ZSWIM5: variants seen among roughly 807,000 people sequenced by gnomAD.
ZSWIM5 encodes the protein zinc finger SWIM-type containing 5.
In ZSWIM5, 55 loss-of-function variants were observed where a neutral mutation model predicts 119.6. That is an observed-to-expected ratio of 0.46 (90% CI 0.37 to 0.58). The LOEUF (loss-of-function observed/expected upper bound fraction) is 0.58. Ranked by LOEUF, ZSWIM5 falls within the 20% of genes least tolerant of loss-of-function variation. The pLI is 0.00. For synonymous variants in ZSWIM5, 537 were observed against 606.9 expected (o/e 0.88, Z 1.69); for missense variants, 1,193 against 1,512.8 (o/e 0.79, Z 3.51).
chr1:45,115,575 G>A (rs1645550064), intron 1 of ZSWIM5, among the ~76,000 whole-genome samples: 2 of 149,608 alleles, frequency 1.3e-5, no homozygotes, highest in Non-Finnish European at 3.0e-5. Flanking sequence ...CATCTCAGAC[G>A]ATGGGCGGCC....
chr1:45,068,775 T>C (rs543562873), intron 2 of ZSWIM5, among the ~76,000 whole-genome samples: 1 of 151,244 alleles, frequency 6.6e-6, no homozygotes, highest in East Asian at 1.9e-4. Flanking sequence ...TCTCACTGTT[T>C]TGTTGCTGTT....
Position 45,035,758 on chromosome 1 carries a change from T to C in ZSWIM5, c.2221A>G (p.Lys741Glu), listed in dbSNP as rs778274267. The C allele has an allele frequency of 1.2e-5, 20 of 1,613,370 alleles. No homozygotes were observed. Among genetic ancestry groups the C allele is most frequent in the Non-Finnish European group, 1.5e-5 (18 of 1,179,926 alleles). Residue 741 changes from lysine (K) to glutamate (E), a missense_variant, in exon 10 of 14, where the codon AAG becomes GAG. This residue lies in a region of ZSWIM5 where 961 missense variants were observed against 1,290.0 expected (regional missense o/e 0.74). Coordinates refer to ENST00000359600, the MANE Select transcript of ZSWIM5 (RefSeq NM_020883.2). ...RESVPMHTFAKYLFSALLPHD... is the reference protein window; with the variant it reads ...RESVPMHTFAEYLFSALLPHD... ...GGCAGCAGAGCTGAGAACAAATACT[T>C]GGCAAAGGTATGCATGGGAACACTC...
At chr1:45,093,494 T>A (rs534874813) in intron 1 of ZSWIM5, among the ~76,000 whole-genome samples, 6 of 152,340 alleles carry the variant, frequency 3.9e-5, no homozygotes, top group Non-Finnish European at 1.5e-5. Context: ...TGGGAACATG[T>A]TCATTTGAGC....
chr1:45,093,718 T>G (rs2149014165), intron 1 of ZSWIM5, among the ~76,000 whole-genome samples: 1 of 152,344 alleles, frequency 6.6e-6, no homozygotes. Flanking sequence ...TTTTAAAAAG[T>G]CTGATTACTC....
chr1:45,030,266 G>A (rs1014768913), intron 11 of ZSWIM5, among the ~76,000 whole-genome samples: 1 of 151,472 alleles, frequency 6.6e-6, no homozygotes, highest in Non-Finnish European at 1.5e-5. Context: ...TTGATTGATC[G>A]AGATGGAATC....
chr1:45,172,991 C>T (rs1470650124), intron 1 of ZSWIM5, among the ~76,000 whole-genome samples: 1 of 151,874 alleles, frequency 6.6e-6, no homozygotes, highest in African/African-American at 2.4e-5. Flanking sequence ...CAGTGAGACC[C>T]AGTCTCTACA....
At chr1:45,121,882 C>G (rs1645595660) in intron 1 of ZSWIM5, among the ~76,000 whole-genome samples, 1 of 152,196 alleles carries the variant, frequency 6.6e-6, no homozygotes, top group Non-Finnish European at 1.5e-5. Flanking sequence ...GCCACCACAC[C>G]TGACCAAGAA....
chr1:45,130,195 G>T (rs1046262877), intron 1 of ZSWIM5, among the ~76,000 whole-genome samples: 11 of 152,312 alleles, frequency 7.2e-5, no homozygotes, highest in African/African-American at 2.2e-4. Flanking sequence ...ACCATGCCCA[G>T]CATCATAAAA....
intron 11 of ZSWIM5, among the ~76,000 whole-genome samples, chr1:45,024,901 C>T (rs535656991): frequency 4.0e-5 from 6 of 151,614 alleles, no homozygotes; most frequent in South Asian, 2.1e-4. Context: ...ATGATCTGCC[C>T]GCCTCAGCCT....
chr1:45,044,848 T>TAA (rs1178689919), intron 5 of ZSWIM5, among the ~76,000 whole-genome samples: 3 of 41,994 alleles, frequency 7.1e-5, no homozygotes, highest in Non-Finnish European at 1.3e-4. Flanking sequence ...TATATATATA[T>TAA]AGATTAGCCG....
At chr1:45,174,388 C>A (rs895407293) in intron 1 of ZSWIM5, among the ~76,000 whole-genome samples, 1 of 151,860 alleles carries the variant, frequency 6.6e-6, no homozygotes, top group African/African-American at 2.4e-5. Context: ...TTAAACAATT[C>A]AAAATAAATA....
At chr1:45,128,802 C>T (rs454624) in intron 1 of ZSWIM5, among the ~76,000 whole-genome samples, 22,358 of 152,178 alleles carry the variant, frequency 0.15, 1,696 homozygotes, top group Non-Finnish European at 0.16. Context: ...TACTACTCCA[C>T]AAACCTCTGG....
intron 1 of ZSWIM5, among the ~76,000 whole-genome samples, chr1:45,161,520 T>A (rs577931887): frequency 6.6e-6 from 1 of 152,176 alleles, no homozygotes; most frequent in Admixed American, 6.5e-5. Flanking sequence ...CGCTGAACAC[T>A]TGGAAAATAT....
chr1:45,141,814 A>C (rs1645729386), intron 1 of ZSWIM5, among the ~76,000 whole-genome samples: 1 of 152,202 alleles, frequency 6.6e-6, no homozygotes, highest in South Asian at 2.1e-4. Context: ...AATATCATGT[A>C]ATAATAAAAG....
intron 5 of ZSWIM5, among the ~76,000 whole-genome samples, chr1:45,050,093 C>T (rs1645080575): frequency 6.6e-6 from 1 of 152,296 alleles, no homozygotes; most frequent in Admixed American, 6.5e-5. Flanking sequence ...GTGGCTCATG[C>T]CTGTAATCCC....
chr1:45,169,654 T>C (rs967037207), intron 1 of ZSWIM5, among the ~76,000 whole-genome samples: 3 of 152,098 alleles, frequency 2.0e-5, no homozygotes, highest in African/African-American at 7.2e-5. Flanking sequence ...AGTTGCCTAC[T>C]ATAAACAAAT....
intron 1 of ZSWIM5, among the ~76,000 whole-genome samples, chr1:45,178,419 G>A (rs562833792): frequency 2.8e-4 from 43 of 152,236 alleles, no homozygotes; most frequent in African/African-American, 4.6e-4. Context: ...GTGAGACTCC[G>A]TCTCAGAAAC....
At chr1:45,097,476 G>A (rs551498612) in intron 1 of ZSWIM5, among the ~76,000 whole-genome samples, 68 of 152,282 alleles carry the variant, frequency 4.5e-4, no homozygotes, top group African/African-American at 1.5e-3. Context: ...TTATATGAGT[G>A]AGATTTTACT....
rs1274766259 is a variant in ZSWIM5 at position 45,043,414 on chromosome 1, G to A, written c.1433-19C>T. 1 of 1,613,196 alleles carries A rather than the reference G, an allele frequency of 6.2e-7. No homozygotes were observed. The highest frequency in any genetic ancestry group is 1.3e-5 in the African/African-American group (1 of 74,940). ...AAGGAGTCTGGAGAAAGAAGAACAT[G>A]CAGCAGTACAGTGACAGGCAATTTG... On this transcript the variant is annotated intron_variant, in intron 5 of 13. Coordinates refer to ENST00000359600, the MANE Select transcript of ZSWIM5 (RefSeq NM_020883.2).
Sources: gnomAD v4.1 joint callset for allele counts (sites outside exome capture counted in the v4.1 genomes callset) on GRCh38, gnomAD v4.1.1 for gene constraint, gnomAD v4.1.1 regional missense constraint, MANE v1.5 for transcripts, NCBI Gene and HGNC (gene_info 2026-07-23, HGNC 2026-07-21) for gene names.